Variants in SPIDR observed in about 807,000 individuals in gnomAD.
The protein encoded by SPIDR is scaffold protein involved in DNA repair.
In SPIDR, 93 loss-of-function variants were observed where a neutral mutation model predicts 104.6. The ratio of observed to expected loss-of-function variants is 0.89; its 90% CI spans 0.75 to 1.06. The LOEUF (loss-of-function observed/expected upper bound fraction) is 1.06, where lower values mean the gene tolerates loss of function less well. Ranked by LOEUF, SPIDR falls within the 50% of genes least tolerant of loss-of-function variation. SPIDR has a pLI of 0.00. For missense variants in SPIDR, 1,154 were observed against 1,111.2 expected (o/e 1.04, Z -0.55); for synonymous variants, 431 against 416.9 (o/e 1.03, Z -0.41).
chr8:47,685,530 A>C (rs995150673), intron 11 of SPIDR, among the ~76,000 whole-genome samples: 1 of 68,996 alleles, frequency 1.4e-5, no homozygotes, highest in Non-Finnish European at 4.5e-5. Context: ...TTTTTGAGAC[A>C]GTCTCTCTCT....
At chr8:47,271,033 T>G (rs907314634) in intron 1 of SPIDR, among the ~76,000 whole-genome samples, 1 of 152,168 alleles carries the variant, frequency 6.6e-6, no homozygotes, top group Non-Finnish European at 1.5e-5. Flanking sequence ...CTGCTGTTCC[T>G]CAGGGTAGGG....
chr8:47,630,535 T>G (rs1483207739), intron 10 of SPIDR, among the ~76,000 whole-genome samples: 1 of 152,198 alleles, frequency 6.6e-6, no homozygotes, highest in Admixed American at 6.5e-5. Flanking sequence ...GCCCTAGAAC[T>G]TTCCATTGCT....
intron 5 of SPIDR, among the ~76,000 whole-genome samples, chr8:47,378,499 T>C (rs1195665181): frequency 1.3e-5 from 2 of 152,260 alleles, no homozygotes; most frequent in Non-Finnish European, 2.9e-5. Flanking sequence ...TACATACATA[T>C]AGATTTTACT....
Position 47,700,384 on chromosome 8 carries a change from T to C in SPIDR, c.1686-19T>C. ...AAGGGATGTCTGATGATGAATACCT[T>C]TGACTTTTCTTGTTCCAGGACAGCG... On this transcript the variant is annotated intron_variant, in intron 11 of 19. Transcript: ENST00000297423. 6.2e-7 allele frequency: 1 copy of C among 1,614,004 alleles called. No individual in the cohort carries two copies. Among genetic ancestry groups the C allele is most frequent in the Non-Finnish European group, 8.5e-7 (1 of 1,179,858 alleles).
intron 10 of SPIDR, among the ~76,000 whole-genome samples, chr8:47,599,451 A>C (rs145836026): frequency 1.2e-4 from 19 of 152,336 alleles, no homozygotes; most frequent in African/African-American, 4.6e-4. Flanking sequence ...ATGTTCTTGA[A>C]AGTAATACAA....
intron 8 of SPIDR, chr8:47,527,804 C>T (rs2085268255): frequency 6.6e-6 from 1 of 152,186 alleles, no homozygotes; most frequent in African/African-American, 2.4e-5. Context: ...GGACAGAGAG[C>T]TACTATTCTT....
At position 47,407,963 on chromosome 8, in the gene SPIDR, T is replaced by A; in HGVS notation, c.877+2T>A. On this transcript the variant is annotated splice_donor_variant, in intron 7 of 19. Transcript: ENST00000297423. LOFTEE classifies it high-confidence loss of function. Reference sequence around the variant, plus strand: ...TTTCTTACCAAAAGACACTTTCAGGTAAGGCTTGTGCAGGAATCTGAGACA... The same window carrying A: ...TTTCTTACCAAAAGACACTTTCAGGAAAGGCTTGTGCAGGAATCTGAGACA... The A allele has an allele frequency of 6.4e-7, 1 of 1,554,460 alleles. No individual in the cohort carries two copies. Among genetic ancestry groups the A allele is most frequent in the African/African-American group, 1.4e-5 (1 of 73,714 alleles).
intron 5 of SPIDR, among the ~76,000 whole-genome samples, chr8:47,296,538 A>G (rs1176649834): frequency 6.6e-6 from 1 of 152,068 alleles, no homozygotes; most frequent in South Asian, 2.1e-4. Context: ...TCCATTGTAT[A>G]TTCTTGGCAC....
chr8:47,547,557 T>G (rs1564293639), intron 8 of SPIDR, among the ~76,000 whole-genome samples: 1 of 151,846 alleles, frequency 6.6e-6, no homozygotes, highest in Non-Finnish European at 1.5e-5. Context: ...CTCGGCCTCC[T>G]GAGTAGCTGG....
intron 10 of SPIDR, among the ~76,000 whole-genome samples, chr8:47,659,383 C>A (rs578160921): frequency 2.0e-5 from 3 of 152,268 alleles, no homozygotes; most frequent in Non-Finnish European, 4.4e-5. Flanking sequence ...TTTATTTCAG[C>A]AAAGAGAAAA....
chr8:47,664,467 CAG>C (rs1177311274), intron 10 of SPIDR, among the ~76,000 whole-genome samples: 1 of 152,090 alleles, frequency 6.6e-6, no homozygotes, highest in Admixed American at 6.6e-5. Flanking sequence ...TCTAACCAAA[CAG>C]AGTGTCAATA....
At chr8:47,485,329 C>G (rs1026264514) in intron 8 of SPIDR, among the ~76,000 whole-genome samples, 3 of 152,210 alleles carry the variant, frequency 2.0e-5, no homozygotes, top group Non-Finnish European at 4.4e-5. Flanking sequence ...ATTGCTGAGG[C>G]TTGAGTAGGT....
intron 10 of SPIDR, among the ~76,000 whole-genome samples, chr8:47,641,155 G>C (rs1010459056): frequency 3.3e-5 from 5 of 151,630 alleles, no homozygotes; most frequent in African/African-American, 1.2e-4. Flanking sequence ...ATAAGACTAG[G>C]TAATTTTTAA....
At position 47,285,361 on chromosome 8, in the gene SPIDR, C is replaced by T. The variant is rs1033827636; in HGVS notation, c.256+1267C>T. ...TGTTGCTTTATGAAGTAAACTAGTA[C>T]ACATCTTTTAAATTCTATAATCTTC... On this transcript the variant is annotated intron_variant, in intron 3 of 19. Coordinates refer to ENST00000297423, the MANE Select transcript of SPIDR (RefSeq NM_001080394.4). 9.9e-5 allele frequency among the ~76,000 whole-genome samples: 15 copies of T among 152,268 alleles called. No homozygotes were observed. In the East Asian group the frequency reaches 2.7e-3, roughly 27 times the overall value.
At chr8:47,540,428 A>G (rs1269805903) in intron 8 of SPIDR, among the ~76,000 whole-genome samples, 1 of 152,192 alleles carries the variant, frequency 6.6e-6, no homozygotes, top group African/African-American at 2.4e-5. Flanking sequence ...TTTTTTGAAA[A>G]CTTATTTTAC....
Position 47,599,207 on chromosome 8 carries a change from A to G in SPIDR, c.1544+11A>G. On this transcript the variant is annotated intron_variant, in intron 10 of 19. Coordinates refer to ENST00000297423, the MANE Select transcript of SPIDR (RefSeq NM_001080394.4). ...CCCAGCTGGAACTCGGTGAGTGCCA[A>G]GATGCTGGTGTGGGGCAGAGGTGAA... 1.2e-6 allele frequency: 2 copies of G among 1,612,426 alleles called. No individual in the cohort carries two copies. The highest frequency in any genetic ancestry group is 4.5e-5 in the East Asian group (2 of 44,858).
Position 47,727,184 on chromosome 8 carries a change from C to G in SPIDR, c.2342-16C>G. The stretch of plus-strand genomic sequence containing the variant: ...AGAGCCGCCTCTGAGGTGGGCTTTC[C>G]TTCTCTTGGGCCTAGGCACTGTGGT... On this transcript the variant is annotated splice_polypyrimidine_tract_variant and intron_variant, in intron 16 of 19. Transcript: ENST00000297423. The G allele has an allele frequency of 6.2e-7, 1 of 1,613,748 alleles. No homozygotes were observed.
At chr8:47,300,484 T>C (rs2041867706) in intron 5 of SPIDR, among the ~76,000 whole-genome samples, 1 of 152,204 alleles carries the variant, frequency 6.6e-6, no homozygotes, top group Non-Finnish European at 1.5e-5. Context: ...TTCTTGCCTC[T>C]GCTAGCTTTT....
At chr8:47,482,645 G>C (rs2077024801) in intron 8 of SPIDR, among the ~76,000 whole-genome samples, 2 of 152,182 alleles carry the variant, frequency 1.3e-5, no homozygotes, top group South Asian at 4.1e-4. Context: ...AGTGTTTGGA[G>C]AGAGGTTTCT....
Sources: allele counts gnomAD v4.1 joint callset (sites outside exome capture counted in the v4.1 genomes callset), GRCh38; gene constraint gnomAD v4.1.1; transcripts MANE v1.5; gene names NCBI Gene and HGNC (gene_info 2026-07-23, HGNC 2026-07-21).